NFYA: variants seen among roughly 807,000 people sequenced by gnomAD.
NFYA encodes the protein nuclear transcription factor Y subunit alpha.
In NFYA, 28 loss-of-function variants were observed where a neutral mutation model predicts 52.8. The observed-to-expected ratio is 0.53, with a 90% CI of 0.39 to 0.73. NFYA has a LOEUF of 0.73. Among genes scored for constraint, NFYA ranks in the 30% least tolerant of loss-of-function variants. The pLI, the probability that NFYA is intolerant of heterozygous loss-of-function variation, is 0.00. For missense variants in NFYA, 234 were observed against 427.0 expected, an observed-to-expected ratio of 0.55 and a Z score of 3.98; for synonymous variants, 150 against 150.7, an observed-to-expected ratio of 1.00 and a Z score of 0.03.
rs558998840 is a variant in NFYA at position 41,084,203 on chromosome 6, T to C, written c.309+11T>C. ...CAGGGTTTGCAGCAAGTGAGTAATA[T>C]TTAAAAATATTGAGCAGTATATCAG... is the stretch of plus-strand genomic sequence containing the variant. On this transcript the variant is annotated intron_variant, in intron 4 of 9. Coordinates refer to ENST00000341376, the MANE Select transcript of NFYA (RefSeq NM_002505.5). 9 of 1,613,236 alleles carry C rather than the reference T, an allele frequency of 5.6e-6. No homozygotes were observed. The highest frequency in any genetic ancestry group is 1.1e-5 in the South Asian group (1 of 90,884).
chr6:41,079,227 G>T, intron 2 of NFYA, 63 bp downstream of exon 2: 1 of 1,490,402 alleles, frequency 6.7e-7, no homozygotes, highest in South Asian at 1.1e-5. Context: ...CCACTCAATT[G>T]GTTGGTCTAT....
intron 5 of NFYA, 88 bp from the exon 6 acceptor site, chr6:41,090,116 A>T: frequency 1.1e-6 from 1 of 933,042 alleles, no homozygotes; most frequent in Admixed American, 2.3e-5. Context: ...TCTGTCTCAA[A>T]AAAATAATTT....
rs1016776409 is a variant in NFYA at position 41,099,092 on chromosome 6, G to A, written c.*1682G>A. ...GATAGAAATAGAGGTACAGAGCTAT[G>A]CAAAGGAAACAGGAAGTGAAATATT... On this transcript the variant is annotated 3_prime_UTR_variant, in exon 10 of 10. Transcript: ENST00000341376. The A allele has an allele frequency of 1.3e-5, 2 of 152,222 alleles. No homozygotes were observed. Among genetic ancestry groups the A allele is most frequent in the African/African-American group, 4.8e-5 (2 of 41,462 alleles). The allele number at this position is 152,222 out of a possible 1,614,324, so 9.4% of individuals were successfully genotyped here.
At chr6:41,094,592 T>A in intron 9 of NFYA, 95 bp downstream of exon 9, 1 of 855,858 alleles carries the variant, frequency 1.2e-6, no homozygotes. Flanking sequence ...TTTCCTACTC[T>A]GGGACTACTC....
intron 8 of NFYA, 108 bp downstream of exon 8, chr6:41,093,193 G>C (rs542808174): frequency 1.5e-5 from 14 of 927,304 alleles, no homozygotes; most frequent in Non-Finnish European, 2.0e-5. Flanking sequence ...AACAATTGAC[G>C]TTAGATACTT....
chr6:41,091,772 G>A, intron 7 of NFYA, 78 bp downstream of exon 7: 1 of 1,517,042 alleles, frequency 6.6e-7, no homozygotes, highest in Non-Finnish European at 9.0e-7. Context: ...AATTTATTAT[G>A]TTGACCTCTT....
intron 3 of NFYA, among the ~76,000 whole-genome samples, chr6:41,081,778 C>T (rs1030888590): frequency 7.9e-5 from 12 of 152,206 alleles, no homozygotes; most frequent in African/African-American, 2.9e-4. Context: ...ATTACTAGAT[C>T]TGCAAAGATT....
Position 41,101,642 on chromosome 6 carries a change from A to G in NFYA, c.*4232A>G, listed in dbSNP as rs376025232. Among the ~76,000 whole-genome samples the G allele has an allele frequency of 1.7e-4, 26 of 152,216 alleles. No individual in the cohort carries two copies. In the East Asian group the frequency reaches 4.6e-3, roughly 27 times the overall value. On this transcript the variant is annotated 3_prime_UTR_variant, in exon 10 of 10. Transcript: ENST00000341376. ...AACAAATACTTACTCTGTGTCAGGG[A>G]TATGAAGATGGGTAATACCAGGTGC...
intron 2 of NFYA, 88 bp from the exon 3 acceptor site, chr6:41,080,719 GTCTC>G: frequency 9.6e-7 from 1 of 1,038,772 alleles, no homozygotes; most frequent in Non-Finnish European, 1.5e-6. Context: ...TCAGGCTTCC[GTCTC>G]TCTCCTCCAA....
In NFYA at chr6:41,091,634, G is replaced by A. The variant is rs370980222; in HGVS notation, c.654G>A (p.Gly218=). ...ANTNTTSSGQ[G]TVTVTLPVAG... Reference sequence around the variant, plus strand: ...CCAACACAACCAGCAGTGGGCAAGGGACTGTCACTGTGACACTACCAGTGG... The same window carrying A: ...CCAACACAACCAGCAGTGGGCAAGGAACTGTCACTGTGACACTACCAGTGG... The change falls in exon 7 of 10, where the codon GGG becomes GGA. Residue 218 remains glycine, a synonymous_variant. Coordinates refer to ENST00000341376, the MANE Select transcript of NFYA (RefSeq NM_002505.5). 1.4e-5 allele frequency: 22 copies of A among 1,614,112 alleles called. No homozygotes were observed. The African/African-American group carries it at 2.9e-4, about 22-fold the overall frequency.
chr6:41,080,864 C>T lies in NFYA; in HGVS notation c.129C>T (p.Ser43=), dbSNP rs138225735. 90 of 1,613,978 alleles carry T rather than the reference C, an allele frequency of 5.6e-5. No individual in the cohort carries two copies. The African/African-American group carries it at 7.2e-4, about 13-fold the overall frequency. Residue 43 remains serine (S), a synonymous_variant, in exon 3 of 10, where the codon TCC becomes TCT. Transcript: ENST00000341376. The stretch of plus-strand genomic sequence containing the variant: ...TGCAGACTGAGGCCCAGGTGGCATC[C>T]GCCTCAGGCCAGCAAGTCCAGACCC... ...VQLQTEAQVA[S]ASGQQVQTLQ... is the part of the protein sequence containing the mutation.
intron 3 of NFYA, among the ~76,000 whole-genome samples, chr6:41,082,698 G>A (rs922255095): frequency 3.3e-5 from 5 of 152,126 alleles, no homozygotes; most frequent in African/African-American, 1.2e-4. Flanking sequence ...TAGTTATTTT[G>A]GTTATTCTTG....
intron 4 of NFYA, among the ~76,000 whole-genome samples, chr6:41,086,786 A>G (rs1386547768): frequency 1.3e-5 from 2 of 152,304 alleles, no homozygotes; most frequent in East Asian, 1.9e-4. Flanking sequence ...GTATAAACAT[A>G]TCAATGAAGA....
chr6:41,074,163 G>A (rs542575671), intron 1 of NFYA, among the ~76,000 whole-genome samples: 2 of 152,138 alleles, frequency 1.3e-5, no homozygotes, highest in South Asian at 4.2e-4. Flanking sequence ...TGTCAGGCTT[G>A]ACCCAGTCCA....
chr6:41,078,447 C>T (rs995976564), intron 1 of NFYA, among the ~76,000 whole-genome samples: 2 of 151,814 alleles, frequency 1.3e-5, no homozygotes, highest in African/African-American at 4.9e-5. Flanking sequence ...TGTCCTCCCT[C>T]CCATATTTCC....
rs1764400236 is a variant in NFYA at position 41,097,712 on chromosome 6, C to A, written c.*302C>A. The stretch of plus-strand genomic sequence containing the variant: ...ACCCCAGCAGTACACAAAGCACTTA[C>A]CTTGACTGGTGAAGTCAGCCAGCCA... On this transcript the variant is annotated 3_prime_UTR_variant, in exon 10 of 10. Transcript: ENST00000341376. The A allele has an allele frequency of 3.7e-6, 1 of 269,564 alleles. No individual in the cohort carries two copies. Among genetic ancestry groups the A allele is most frequent in the African/African-American group, 2.2e-5 (1 of 45,418 alleles). The allele number at this position is 269,564 out of a possible 1,614,324, so 16.7% of individuals were successfully genotyped here.
chr6:41,094,763 C>CT (rs1206946086), intron 9 of NFYA, among the ~76,000 whole-genome samples: 1 of 152,176 alleles, frequency 6.6e-6, no homozygotes, highest in Non-Finnish European at 1.5e-5. Flanking sequence ...CATGGCAAAA[C>CT]TCCATCTCTA....
At chr6:41,087,741 T>G (rs1407281325) in intron 4 of NFYA, among the ~76,000 whole-genome samples, 1 of 152,206 alleles carries the variant, frequency 6.6e-6, no homozygotes, top group Non-Finnish European at 1.5e-5. Flanking sequence ...TCACTAGTTA[T>G]ATGAAAATAG....
At chr6:41,094,042 A>G (rs1764276800) in intron 8 of NFYA, among the ~76,000 whole-genome samples, 2 of 152,096 alleles carry the variant, frequency 1.3e-5, no homozygotes, top group African/African-American at 2.4e-5. Context: ...ATAATAATAA[A>G]CTTTAATGCT....
Sources: allele counts gnomAD v4.1 joint callset (sites outside exome capture counted in the v4.1 genomes callset), GRCh38; gene constraint gnomAD v4.1.1; transcripts MANE v1.5; gene names NCBI Gene and HGNC (gene_info 2026-07-23, HGNC 2026-07-21).